Variants in TUBB2B observed in about 807,000 individuals in gnomAD.
TUBB2B encodes tubulin beta-2B chain.
A neutral mutation model predicts 35.0 loss-of-function variants in TUBB2B; 5 were observed. That is an observed-to-expected ratio of 0.14 (90% CI 0.07 to 0.30). The LOEUF (loss-of-function observed/expected upper bound fraction) is 0.30. Among genes scored for constraint, TUBB2B ranks in the 10% least tolerant of loss-of-function variants. TUBB2B has a pLI of 1.00. For missense variants in TUBB2B, 63 were observed against 601.8 expected (o/e 0.10, Z 9.37); for synonymous variants, 166 against 250.5 (o/e 0.66, Z 3.18).
In TUBB2B at chr6:3,224,796, G is replaced by A. The variant is rs776974023; in HGVS notation, c.1293C>T (p.Asp431=). 2.5e-6 allele frequency: 4 copies of A among 1,613,338 alleles called. No individual in the cohort carries two copies. Among genetic ancestry groups the A allele is most frequent in the East Asian group, 2.2e-5 (1 of 44,852 alleles). ...EYQQYQDATA[D]EQGEFEEEEG... is the part of the protein sequence containing the mutation. ...CCTCCTCCTCGAACTCCCCTTGTTC[G>A]TCGGCCGTGGCGTCCTGGTACTGCT... The change falls in exon 4 of 4, where the codon GAC becomes GAT. Residue 431 remains aspartate, a synonymous_variant. Coordinates refer to ENST00000259818, the MANE Select transcript of TUBB2B (RefSeq NM_178012.5).
chr6:3,227,650 T>G lies in TUBB2B; in HGVS notation c.-107A>C. On this transcript the variant is annotated 5_prime_UTR_variant, in exon 1 of 4. Transcript: ENST00000259818. This position sits in a 1 kb window ranked among gnomAD's most constrained non-coding sequence, Gnocchi z 7.8. ...GGAAGGCGCTCGGGAACCGACGGGC[T>G]GAGAGCGCCGGCCCCGCGGGCTCCG... The G allele has an allele frequency of 6.7e-7, 1 of 1,495,442 alleles. No individual in the cohort carries two copies. The highest frequency in any genetic ancestry group is 1.9e-5 in the Admixed American group (1 of 51,672). 92.6% of individuals were successfully genotyped at this position (1,495,442 alleles called of 1,614,324 possible).
rs1561826463 is a variant in TUBB2B, at chr6:3,224,703, C to A, written c.*48G>T. 6.2e-7 allele frequency: 1 copy of A among 1,610,020 alleles called. No homozygotes were observed. On this transcript the variant is annotated 3_prime_UTR_variant, in exon 4 of 4. Coordinates refer to ENST00000259818, the MANE Select transcript of TUBB2B (RefSeq NM_178012.5). ...GTTATCGTCCCGGGAAGCCCCCCAC[C>A]CCCTCGCTTTCCTCCTCCGCTTTCC...
chr6:3,227,027 G>T lies in TUBB2B; in HGVS notation c.58-358C>A, dbSNP rs1430529529. Among the ~76,000 whole-genome samples, 1 of 152,180 alleles carries T rather than the reference G, an allele frequency of 6.6e-6. No individual in the cohort carries two copies. The highest frequency in any genetic ancestry group is 2.4e-5 in the African/African-American group (1 of 41,450). On this transcript the variant is annotated intron_variant, in intron 1 of 3. Coordinates refer to ENST00000259818, the MANE Select transcript of TUBB2B (RefSeq NM_178012.5). This position sits in a 1 kb window ranked among gnomAD's most constrained non-coding sequence, Gnocchi z 7.8. ...CCAGGAGCGGGTGGGCGGGGAAAGA[G>T]GAACGCAAAGGAGCTAAAGGACCGC...
chr6:3,226,481 A>T lies in TUBB2B; in HGVS notation c.166+80T>A. The T allele has an allele frequency of 7.5e-7, 1 of 1,331,902 alleles. No homozygotes were observed. The highest frequency in any genetic ancestry group is 1.1e-6 in the Non-Finnish European group (1 of 923,068). 82.5% of individuals were successfully genotyped at this position (1,331,902 alleles called of 1,614,324 possible). A position where few individuals can be genotyped will look rare whatever the true frequency, so the allele number is the denominator to read the frequency against. Reference sequence around the variant, plus strand: ...GAATAGTCCACCCTCTCCCAGGGCCACACCCCTGGGGTCCCACGCAAGGGA... The same window carrying T: ...GAATAGTCCACCCTCTCCCAGGGCCTCACCCCTGGGGTCCCACGCAAGGGA... On this transcript the variant is annotated intron_variant, in intron 2 of 3. Coordinates refer to ENST00000259818, the MANE Select transcript of TUBB2B (RefSeq NM_178012.5). This position sits in a 1 kb window ranked among gnomAD's most constrained non-coding sequence, Gnocchi z 5.5.
chr6:3,227,557 C>A lies in TUBB2B; in HGVS notation c.-14G>T, dbSNP rs1174896325. 5 of 1,610,474 alleles carry A rather than the reference C, an allele frequency of 3.1e-6. No homozygotes were observed. The African/African-American group carries it at 6.7e-5, about 22-fold the overall frequency. ...GATCTCACGCATGGTGCCTCGTCAG[C>A]GTCCTCCTGGTCCGGCGGCGTCTGG... On this transcript the variant is annotated 5_prime_UTR_variant, in exon 1 of 4. Coordinates refer to ENST00000259818, the MANE Select transcript of TUBB2B (RefSeq NM_178012.5). The surrounding 1 kb of genome is among the most constrained non-coding windows in gnomAD (Gnocchi z 7.8).
In TUBB2B at chr6:3,227,517, C is replaced by G; in HGVS notation, c.27G>C (p.Ala9=). 4 of 1,610,282 alleles carry G rather than the reference C, an allele frequency of 2.5e-6. No individual in the cohort carries two copies. The highest frequency in any genetic ancestry group is 3.4e-6 in the Non-Finnish European group (4 of 1,179,728). ...CGCCGATCTGGTTGCCGCACTGGCC[C>G]GCCTGGATGTGCACGATCTCACGCA... is the stretch of plus-strand genomic sequence containing the variant. MREIVHIQ[A]GQCGNQIGAK... Residue 9 remains alanine (A), a synonymous_variant, in exon 1 of 4, where the codon GCG becomes GCC. Transcript: ENST00000259818. The surrounding 1 kb of genome is among the most constrained non-coding windows in gnomAD (Gnocchi z 7.8).
Position 3,224,803 on chromosome 6 carries a change from G to A in TUBB2B, c.1286C>T (p.Thr429Met), listed in dbSNP as rs1757269721. Residue 429 changes from threonine to methionine, a missense_variant, in exon 4 of 4, where the codon ACG (threonine) becomes ATG (methionine). Transcript: ENST00000259818. Reference sequence around the variant, plus strand: ...CTCGAACTCCCCTTGTTCGTCGGCCGTGGCGTCCTGGTACTGCTGGTACTC... The same window carrying A: ...CTCGAACTCCCCTTGTTCGTCGGCCATGGCGTCCTGGTACTGCTGGTACTC... Reference protein sequence around the residue: ...VSEYQQYQDATADEQGEFEEE... With the variant: ...VSEYQQYQDAMADEQGEFEEE... The A allele has an allele frequency of 6.2e-7, 1 of 1,613,240 alleles. No individual in the cohort carries two copies. Among genetic ancestry groups the A allele is most frequent in the Non-Finnish European group, 8.5e-7 (1 of 1,179,852 alleles).
chr6:3,225,821 G>T lies in TUBB2B; in HGVS notation c.278-10C>A. On this transcript the variant is annotated splice_polypyrimidine_tract_variant and intron_variant, in intron 3 of 3. Coordinates refer to ENST00000259818, the MANE Select transcript of TUBB2B (RefSeq NM_178012.5). The stretch of plus-strand genomic sequence containing the variant: ...CCGGCTCCACTCTGGCCTGCCAGAG[G>T]GAAAGAGAAATCTTAAGTCACCGGT... 1.9e-6 allele frequency: 3 copies of T among 1,613,674 alleles called. No individual in the cohort carries two copies. The highest frequency in any genetic ancestry group is 2.5e-6 in the Non-Finnish European group (3 of 1,179,886).
intron 3 of TUBB2B, 130 bp from the exon 4 acceptor site, chr6:3,225,941 A>G: frequency 6.7e-7 from 1 of 1,487,928 alleles, no homozygotes; most frequent in Admixed American, 2.0e-5. Flanking sequence ...AAATGGCCAA[A>G]CGTTAAAATA....
Position 3,225,394 on chromosome 6 carries a change from G to T in TUBB2B, c.695C>A (p.Thr232Asn). 1 of 1,610,662 alleles carries T rather than the reference G, an allele frequency of 6.2e-7. No homozygotes were observed. The highest frequency in any genetic ancestry group is 8.5e-7 in the Non-Finnish European group (1 of 1,178,676). The change falls in exon 4 of 4, where the codon ACC becomes AAC. Residue 232 changes from threonine to asparagine, a missense_variant. This residue lies in a region of TUBB2B where 6 missense variants were observed against 320.2 expected (regional missense o/e 0.02). Coordinates refer to ENST00000259818, the MANE Select transcript of TUBB2B (RefSeq NM_178012.5). ...CAGGCAGGTGGTGACCCCGCTCATG[G>T]TGGCCGACACCAGGTGGTTGAGGTC... ...YGDLNHLVSA[T>N]MSGVTTCLRF...
In TUBB2B at chr6:3,226,477, G is replaced by A. The variant is rs2113819723; in HGVS notation, c.166+84C>T. ...AACTGAATAGTCCACCCTCTCCCAG[G>A]GCCACACCCCTGGGGTCCCACGCAA... On this transcript the variant is annotated intron_variant, in intron 2 of 3. Coordinates refer to ENST00000259818, the MANE Select transcript of TUBB2B (RefSeq NM_178012.5). This position sits in a 1 kb window ranked among gnomAD's most constrained non-coding sequence, Gnocchi z 5.5. The A allele has an allele frequency of 7.6e-7, 1 of 1,307,366 alleles. No individual in the cohort carries two copies. The highest frequency in any genetic ancestry group is 1.7e-5 in the Admixed American group (1 of 59,354). 81.0% of individuals were successfully genotyped at this position (1,307,366 alleles called of 1,614,324 possible). A position where few individuals can be genotyped will look rare whatever the true frequency, so the allele number is the denominator to read the frequency against.
Position 3,227,646 on chromosome 6 carries a change from G to C in TUBB2B, c.-103C>G, listed in dbSNP as rs944428714. 40 of 1,511,960 alleles carry C rather than the reference G, an allele frequency of 2.6e-5. No individual in the cohort carries two copies. Among genetic ancestry groups the C allele is most frequent in the Non-Finnish European group, 3.2e-5 (36 of 1,115,154 alleles). 93.7% of individuals were successfully genotyped at this position (1,511,960 alleles called of 1,614,324 possible). The stretch of plus-strand genomic sequence containing the variant: ...ACCGGGAAGGCGCTCGGGAACCGAC[G>C]GGCTGAGAGCGCCGGCCCCGCGGGC... On this transcript the variant is annotated 5_prime_UTR_variant, in exon 1 of 4. Transcript: ENST00000259818. The surrounding 1 kb of genome is among the most constrained non-coding windows in gnomAD (Gnocchi z 7.8).
chr6:3,225,090 C>T lies in TUBB2B; in HGVS notation c.999G>A (p.Val333=), dbSNP rs1757272441. The change falls in exon 4 of 4, where the codon GTG becomes GTA. Residue 333 remains valine, a synonymous_variant. Coordinates refer to ENST00000259818, the MANE Select transcript of TUBB2B (RefSeq NM_178012.5). ...CGAAGTAGCTGCTGTTCTTGTTCTG[C>T]ACGTTGAGCATCTGCTCGTCCACCT... The part of the protein sequence containing the change: ...MKEVDEQMLN[V]QNKNSSYFVE... The T allele has an allele frequency of 1.2e-6, 1 of 849,568 alleles. No individual in the cohort carries two copies. The highest frequency in any genetic ancestry group is 2.8e-5 in the East Asian group (1 of 35,948). 52.6% of individuals were successfully genotyped at this position (849,568 alleles called of 1,614,324 possible). A position where few individuals can be genotyped will look rare whatever the true frequency, so the allele number is the denominator to read the frequency against.
At position 3,226,813 on chromosome 6, in the gene TUBB2B, G is replaced by GC; in HGVS notation, c.58-145dup. The GC allele has an allele frequency of 1.3e-6, 1 of 780,064 alleles. No individual in the cohort carries two copies. Among genetic ancestry groups the GC allele is most frequent in the African/African-American group, 1.7e-5 (1 of 59,006 alleles). The allele number at this position is 780,064 out of a possible 1,614,324, so 48.3% of individuals were successfully genotyped here. A position where few individuals can be genotyped will look rare whatever the true frequency, so the allele number is the denominator to read the frequency against. On this transcript the variant is annotated intron_variant, in intron 1 of 3. Coordinates refer to ENST00000259818, the MANE Select transcript of TUBB2B (RefSeq NM_178012.5). The surrounding 1 kb of genome is among the most constrained non-coding windows in gnomAD (Gnocchi z 5.5). ...AGGGCGTCGTGACCCGGGCACAGCC[G>GC]CGGGGCTTGTATTTTGCAGGTTCAG... is the stretch of plus-strand genomic sequence containing the variant.
Position 3,227,403 on chromosome 6 carries a change from C to T in TUBB2B, c.57+84G>A. On this transcript the variant is annotated intron_variant, in intron 1 of 3. Coordinates refer to ENST00000259818, the MANE Select transcript of TUBB2B (RefSeq NM_178012.5). The surrounding 1 kb of genome is among the most constrained non-coding windows in gnomAD (Gnocchi z 7.8). ...CTGCATTTGGCGATCCCCAGGCCTT[C>T]CCAGGACCGCGCCTGGGGACCCCGA... 6.4e-7 allele frequency: 1 copy of T among 1,567,640 alleles called. No individual in the cohort carries two copies. The highest frequency in any genetic ancestry group is 1.1e-5 in the South Asian group (1 of 88,894).
Position 3,225,955 on chromosome 6 carries a change from G to A in TUBB2B, c.278-144C>T, listed in dbSNP as rs948288033. The A allele has an allele frequency of 3.5e-5, 52 of 1,467,198 alleles. 1 individual carries two copies. In the East Asian group the frequency reaches 1.0e-3, roughly 29 times the overall value. The allele number at this position is 1,467,198 out of a possible 1,614,324, so 90.9% of individuals were successfully genotyped here. A position where few individuals can be genotyped will look rare whatever the true frequency, so the allele number is the denominator to read the frequency against. Reference sequence around the variant, plus strand: ...AAAATGGCCAAACGTTAAAATATTTGTTCATGAATATAATTATAAATAAGG... The same window carrying A: ...AAAATGGCCAAACGTTAAAATATTTATTCATGAATATAATTATAAATAAGG... On this transcript the variant is annotated intron_variant, in intron 3 of 3. Coordinates refer to ENST00000259818, the MANE Select transcript of TUBB2B (RefSeq NM_178012.5).
Position 3,227,643 on chromosome 6 carries a change from G to A in TUBB2B, c.-100C>T. ...GTCACCGGGAAGGCGCTCGGGAACCGACGGGCTGAGAGCGCCGGCCCCGCG... is the reference window on the plus strand; with the variant it reads ...GTCACCGGGAAGGCGCTCGGGAACCAACGGGCTGAGAGCGCCGGCCCCGCG... On this transcript the variant is annotated 5_prime_UTR_variant, in exon 1 of 4. Transcript: ENST00000259818. This position sits in a 1 kb window ranked among gnomAD's most constrained non-coding sequence, Gnocchi z 7.8. 2 of 1,518,224 alleles carry A rather than the reference G, an allele frequency of 1.3e-6. No homozygotes were observed. Among genetic ancestry groups the A allele is most frequent in the South Asian group, 2.3e-5 (2 of 85,570 alleles). 94.0% of individuals were successfully genotyped at this position (1,518,224 alleles called of 1,614,324 possible).
Position 3,225,654 on chromosome 6 carries a change from G to T in TUBB2B, c.435C>A (p.Ser145=). The change falls in exon 4 of 4, where the codon TCC becomes TCA. Residue 145 remains serine (S), a synonymous_variant. Coordinates refer to ENST00000259818, the MANE Select transcript of TUBB2B (RefSeq NM_178012.5). ...TGCTGATGAGCAGGGTGCCCATCCCGGACCCCGTGCCGCCCCCCAGAGAGT... is the reference window on the plus strand; with the variant it reads ...TGCTGATGAGCAGGGTGCCCATCCCTGACCCCGTGCCGCCCCCCAGAGAGT... ...LTHSLGGGTG[S]GMGTLLISKI... 6.2e-7 allele frequency: 1 copy of T among 1,603,484 alleles called. No homozygotes were observed. Among genetic ancestry groups the T allele is most frequent in the Non-Finnish European group, 8.5e-7 (1 of 1,175,180 alleles).
In TUBB2B at chr6:3,226,115, C is replaced by A. The variant is rs891207695; in HGVS notation, c.277+44G>T. The A allele has an allele frequency of 6.4e-7, 1 of 1,557,028 alleles. No homozygotes were observed. On this transcript the variant is annotated intron_variant, in intron 3 of 3. Coordinates refer to ENST00000259818, the MANE Select transcript of TUBB2B (RefSeq NM_178012.5). The surrounding 1 kb of genome is among the most constrained non-coding windows in gnomAD (Gnocchi z 5.5). ...CACCTCTTCAGCCTCCACTGCCCAG[C>A]GTAAAATGAATCCCTCATGCTCTCA...
Sources: gnomAD v4.1 joint callset for allele counts (sites outside exome capture counted in the v4.1 genomes callset) on GRCh38, gnomAD v4.1.1 for gene constraint, gnomAD v4.1.1 regional missense constraint, Gnocchi (gnomAD v3.1) non-coding constraint, MANE v1.5 for transcripts, NCBI Gene and HGNC (gene_info 2026-07-23, HGNC 2026-07-21) for gene names.